Variants in SCN9A observed in about 807,000 individuals in gnomAD.
SCN9A encodes the protein sodium channel protein type 9 subunit alpha.
SCN9A carries 131 observed loss-of-function variants against 187.0 expected under a neutral mutation model. The observed-to-expected ratio is 0.70, with a 90% CI of 0.61 to 0.81. The LOEUF is 0.81. Among genes scored for constraint, SCN9A ranks in the 30% least tolerant of loss-of-function variants. The probability of loss-of-function intolerance (pLI) is 0.00; values close to 1 mark genes in which losing one functional copy is unlikely to be tolerated. For missense variants in SCN9A, 2,252 were observed against 2,396.6 expected, an observed-to-expected ratio of 0.94 and a Z score of 1.26; for synonymous variants, 809 against 808.6, an observed-to-expected ratio of 1.00 and a Z score of -0.01.
intron 1 of SCN9A, among the ~76,000 whole-genome samples, chr2:166,355,220 G>A (rs1371300782): frequency 6.6e-6 from 1 of 151,840 alleles, no homozygotes; most frequent in Non-Finnish European, 1.5e-5. Context: ...TAACAGGCAT[G>A]AGCCACCACA....
intron 20 of SCN9A, among the ~76,000 whole-genome samples, chr2:166,233,793 GT>G (rs1228029117): frequency 6.6e-6 from 1 of 152,026 alleles, no homozygotes; most frequent in Non-Finnish European, 1.5e-5. Flanking sequence ...TAGAACAATG[GT>G]GAACATTTTA....
Position 166,284,420 on chromosome 2 carries a change from CAGCCATGCCTGAGCTATGTAA to C in SCN9A, c.1974+12_1974+32del. On this transcript the variant is annotated intron_variant, in intron 12 of 26. Transcript: ENST00000642356. ...ACTGACTGATGCAGGAACAAGGGCC[CAGCCATGCCTGAGCTATGTAA>C]AACGTCCTTACGCTGTCATCAGAAG... 1 of 1,567,762 alleles carries C rather than the reference CAGCCATGCCTGAGCTATGTAA, an allele frequency of 6.4e-7. No homozygotes were observed. Among genetic ancestry groups the C allele is most frequent in the East Asian group, 2.4e-5 (1 of 42,458 alleles).
intron 1 of SCN9A, among the ~76,000 whole-genome samples, chr2:166,349,300 C>G (rs2105295553): frequency 6.6e-6 from 1 of 152,242 alleles, no homozygotes; most frequent in Non-Finnish European, 1.5e-5. Context: ...CACTCTTTCT[C>G]TATTCCTTAC....
intron 1 of SCN9A, among the ~76,000 whole-genome samples, chr2:166,320,892 G>A (rs147849719): frequency 6.6e-6 from 1 of 152,164 alleles, no homozygotes; most frequent in East Asian, 1.9e-4. Flanking sequence ...ATTGACCAGG[G>A]TATACAAAAA....
At chr2:166,355,566 AT>A (rs1157535964) in intron 1 of SCN9A, among the ~76,000 whole-genome samples, 2 of 150,934 alleles carry the variant, frequency 1.3e-5, no homozygotes, top group Non-Finnish European at 3.0e-5. Context: ...TTTCACAAAA[AT>A]TTCTTTTTTT....
At chr2:166,269,681 T>G (rs1194368205) in intron 17 of SCN9A, among the ~76,000 whole-genome samples, 2 of 152,072 alleles carry the variant, frequency 1.3e-5, no homozygotes, top group Admixed American at 1.3e-4. Flanking sequence ...CTTAAAAATG[T>G]TGCAACTCAA....
chr2:166,257,107 T>C (rs960407516), intron 17 of SCN9A, among the ~76,000 whole-genome samples: 2 of 151,644 alleles, frequency 1.3e-5, no homozygotes, highest in African/African-American at 2.4e-5. Flanking sequence ...GGGCTCTCTC[T>C]GTGCTCTGTC....
intron 16 of SCN9A, among the ~76,000 whole-genome samples, chr2:166,273,270 C>G (rs1470924958): frequency 6.6e-6 from 1 of 152,098 alleles, no homozygotes; most frequent in Non-Finnish European, 1.5e-5. Flanking sequence ...TCTTTATTAC[C>G]TGTGAGAAAC....
intron 7 of SCN9A, chr2:166,296,027 A>G (rs1051997554): frequency 1.3e-5 from 2 of 152,300 alleles, no homozygotes; most frequent in East Asian, 1.9e-4. Flanking sequence ...ACTCAGGTCA[A>G]ATTAAAAAAT....
At chr2:166,360,804 A>T (rs1026398962) in intron 1 of SCN9A, among the ~76,000 whole-genome samples, 2 of 152,218 alleles carry the variant, frequency 1.3e-5, no homozygotes, top group African/African-American at 4.8e-5. Context: ...CTTCTTCCCT[A>T]TACAGACTGA....
rs1559030033 is a variant in SCN9A, at chr2:166,305,906, C to A, written c.482G>T (p.Gly161Val). 1 of 1,612,748 alleles carries A rather than the reference C, an allele frequency of 6.2e-7. No homozygotes were observed. ...TACAAGTGATTCAAAAGTATATATT[C>A]CAGTAAAAGTGTACCTAAACACAAG... ...WTKNVEYTFT[G>V]IYTFESLVKI... The change falls in exon 5 of 27, where the codon GGA becomes GTA. Residue 161 changes from glycine to valine, a missense_variant. Gly to Val is a moderately radical substitution (Grantham distance 109). This residue lies in a region of SCN9A where 1,013 missense variants were observed against 997.4 expected (regional missense o/e 1.02). Transcript: ENST00000642356.
intron 1 of SCN9A, among the ~76,000 whole-genome samples, chr2:166,369,018 T>C (rs1209917272): frequency 6.6e-6 from 1 of 151,952 alleles, no homozygotes; most frequent in Non-Finnish European, 1.5e-5. Flanking sequence ...ATTTTGATTA[T>C]AATATTCTAA....
intron 7 of SCN9A, among the ~76,000 whole-genome samples, chr2:166,298,426 A>C (rs1176109179): frequency 6.6e-6 from 1 of 152,216 alleles, no homozygotes; most frequent in Non-Finnish European, 1.5e-5. Context: ...CAAAGTAGAC[A>C]GCAACACCAA....
intron 1 of SCN9A, among the ~76,000 whole-genome samples, chr2:166,361,749 A>C (rs1042711195): frequency 1.4e-4 from 21 of 152,262 alleles, no homozygotes; most frequent in Admixed American, 5.2e-4. Flanking sequence ...AGAATTATGC[A>C]AAAGTTTAAA....
intron 1 of SCN9A, among the ~76,000 whole-genome samples, chr2:166,367,204 G>A (rs1331768374): frequency 2.6e-5 from 4 of 152,106 alleles, no homozygotes; most frequent in East Asian, 3.9e-4. Context: ...GGATCTCAAC[G>A]TGTGTAACTT....
In SCN9A at chr2:166,251,894, G is replaced by A. The variant is rs1427735190; in HGVS notation, c.3352-9C>T. The A allele has an allele frequency of 6.2e-7, 1 of 1,611,636 alleles. No individual in the cohort carries two copies. Among genetic ancestry groups the A allele is most frequent in the Non-Finnish European group, 8.5e-7 (1 of 1,178,632 alleles). On this transcript the variant is annotated splice_polypyrimidine_tract_variant and intron_variant, in intron 17 of 26. Coordinates refer to ENST00000642356, the MANE Select transcript of SCN9A (RefSeq NM_001365536.1). ...CTTGACCGGTTTAATCTCTAGAAAG[G>A]AATTCACCACCCCACCAGGTAGTTC...
At chr2:166,356,163 T>C (rs541870309) in intron 1 of SCN9A, among the ~76,000 whole-genome samples, 7 of 152,320 alleles carry the variant, frequency 4.6e-5, no homozygotes, top group Non-Finnish European at 1.0e-4. Context: ...GCTCAGCCTC[T>C]GCCTCTTTTC....
At chr2:166,333,917 A>G (rs1006600283) in intron 1 of SCN9A, among the ~76,000 whole-genome samples, 1 of 152,110 alleles carries the variant, frequency 6.6e-6, no homozygotes, top group Non-Finnish European at 1.5e-5. Flanking sequence ...CATACAAGGG[A>G]TAAACTTTTC....
At chr2:166,364,906 T>A (rs1163072721) in intron 1 of SCN9A, among the ~76,000 whole-genome samples, 1 of 152,140 alleles carries the variant, frequency 6.6e-6, no homozygotes, top group Non-Finnish European at 1.5e-5. Flanking sequence ...AAAGAGTCAG[T>A]AAGAGAACAA....
Sources: gnomAD v4.1 joint callset for allele counts (sites outside exome capture counted in the v4.1 genomes callset) on GRCh38, gnomAD v4.1.1 for gene constraint, gnomAD v4.1.1 regional missense constraint, MANE v1.5 for transcripts, NCBI Gene and HGNC (gene_info 2026-07-23, HGNC 2026-07-21) for gene names.